Variants in PPIG observed in about 807,000 individuals in gnomAD.
The protein encoded by PPIG is peptidyl-prolyl cis-trans isomerase G.
PPIG carries 26 observed loss-of-function variants against 87.9 expected under a neutral mutation model. That is an observed-to-expected ratio of 0.30 (90% CI 0.22 to 0.41). PPIG has a LOEUF of 0.41. Ranked by LOEUF, PPIG falls within the 10% of genes least tolerant of loss-of-function variation. The pLI, the probability that PPIG is intolerant of heterozygous loss-of-function variation, is 1.00. For synonymous variants in PPIG, 308 were observed against 276.5 expected (o/e 1.11, Z -1.13); for missense variants, 722 against 879.4 (o/e 0.82, Z 2.26).
Position 169,637,147 on chromosome 2 carries a change from G to A in PPIG, c.1889G>A (p.Ser630Asn). ...DRRRRRRDSR[S>N]SEREESQSRN... The stretch of plus-strand genomic sequence containing the variant: ...AGGAGAAGGAGGAGAGACTCACGGA[G>A]CTCAGAGAGAGAAGAAAGTCAAAGC... Residue 630 changes from serine to asparagine, a missense_variant, in exon 14 of 14, where the codon AGC (serine) becomes AAC (asparagine). Ser to Asn is a conservative substitution (Grantham distance 46). Coordinates refer to ENST00000260970, the MANE Select transcript of PPIG (RefSeq NM_004792.3). The A allele has an allele frequency of 1.2e-6, 2 of 1,612,596 alleles. No homozygotes were observed. Among genetic ancestry groups the A allele is most frequent in the Non-Finnish European group, 1.7e-6 (2 of 1,179,490 alleles).
chr2:169,596,384 C>T (rs900347178), intron 1 of PPIG, among the ~76,000 whole-genome samples: 3 of 152,146 alleles, frequency 2.0e-5, no homozygotes, highest in Non-Finnish European at 2.9e-5. Context: ...GGATTACAGG[C>T]GTGAGCCTTC....
intron 1 of PPIG, among the ~76,000 whole-genome samples, chr2:169,592,303 C>CTT (rs777690234): frequency 0.36 from 33,978 of 93,542 alleles, 7,619 homozygotes; most frequent in East Asian, 0.47. Context: ...TGTCTTTTTT[C>CTT]TTTTTTTTTT....
chr2:169,597,060 A>G (rs1685039883), intron 1 of PPIG, among the ~76,000 whole-genome samples: 1 of 152,156 alleles, frequency 6.6e-6, no homozygotes. Flanking sequence ...CAAATCTTGG[A>G]TATTGTAAAT....
intron 9 of PPIG, among the ~76,000 whole-genome samples, chr2:169,620,320 T>A (rs1685711727): frequency 6.6e-6 from 1 of 152,146 alleles, no homozygotes; most frequent in Admixed American, 6.5e-5. Context: ...TCCAACACCG[T>A]TTATTGAAGA....
rs549533849 is a variant in PPIG, at chr2:169,615,202, C to T, written c.547+478C>T. On this transcript the variant is annotated intron_variant, in intron 9 of 13. Transcript: ENST00000260970. ...TAGCTGGGACTACAAGCGCCCACCA[C>T]CACACCCAGCTAACTTCTGTATTTT... 7.2e-5 allele frequency among the ~76,000 whole-genome samples: 11 copies of T among 152,210 alleles called. No homozygotes were observed. In the South Asian group the frequency reaches 2.3e-3, roughly 32 times the overall value.
At chr2:169,592,471 A>AT (rs1684895561) in intron 1 of PPIG, among the ~76,000 whole-genome samples, 1 of 151,370 alleles carries the variant, frequency 6.6e-6, no homozygotes, top group Non-Finnish European at 1.5e-5. Context: ...CGCCCAACTA[A>AT]TTTTTTGTAT....
Position 169,584,469 on chromosome 2 carries a change from G to A in PPIG, c.-91G>A, listed in dbSNP as rs1025822858. The A allele has an allele frequency of 8.5e-6, 4 of 470,740 alleles. No individual in the cohort carries two copies. The highest frequency in any genetic ancestry group is 8.0e-5 in the African/African-American group (4 of 50,058). 29.2% of individuals were successfully genotyped at this position (470,740 alleles called of 1,614,324 possible). A position where few individuals can be genotyped will look rare whatever the true frequency, so the allele number is the denominator to read the frequency against. On this transcript the variant is annotated 5_prime_UTR_variant, in exon 1 of 14. Coordinates refer to ENST00000260970, the MANE Select transcript of PPIG (RefSeq NM_004792.3). The stretch of plus-strand genomic sequence containing the variant: ...GCTTCAAAGGACCGGACCCAGAGAA[G>A]AGGAAAACTCTACCGGTGCAGGTAA...
At chr2:169,604,326 GGTTT>G in intron 4 of PPIG, 65 bp downstream of exon 4, 2 of 488,300 alleles carry the variant, frequency 4.1e-6, no homozygotes, top group Non-Finnish European at 6.3e-6. Context: ...TTGCTTGCTT[GGTTT>G]TTTTTTTTTT....
At chr2:169,588,865 A>G (rs967041939) in intron 1 of PPIG, among the ~76,000 whole-genome samples, 16 of 148,908 alleles carry the variant, frequency 1.1e-4, no homozygotes, top group Admixed American at 7.5e-4. Flanking sequence ...AGGCTGAGGC[A>G]GGAGAATCGC....
chr2:169,600,588 G>A (rs1685152446), intron 1 of PPIG, among the ~76,000 whole-genome samples: 1 of 151,902 alleles, frequency 6.6e-6, no homozygotes, highest in Non-Finnish European at 1.5e-5. Flanking sequence ...TTCAGATTTG[G>A]GGTTTTCAGA....
chr2:169,614,721 A>G lies in PPIG; in HGVS notation c.544A>G (p.Lys182Glu), dbSNP rs763117032. ...LSCGELIPKS[K>E]VKKEEKKRHK... ...TTGTGGAGAGCTGATTCCCAAATCT[A>G]AAGGTAAAAAGGAAGTACATATTTC... The change falls in exon 9 of 14, where the codon AAA becomes GAA. Residue 182 changes from lysine to glutamate, a missense_variant. This residue lies in a region of PPIG where 142 missense variants were observed against 152.8 expected (regional missense o/e 0.93). Transcript: ENST00000260970. 5 of 1,596,542 alleles carry G rather than the reference A, an allele frequency of 3.1e-6. No homozygotes were observed. Among genetic ancestry groups the G allele is most frequent in the Admixed American group, 3.6e-5 (2 of 54,864 alleles).
chr2:169,595,410 A>G (rs1165480250), intron 1 of PPIG, among the ~76,000 whole-genome samples: 1 of 152,222 alleles, frequency 6.6e-6, no homozygotes, highest in Non-Finnish European at 1.5e-5. Context: ...TTTTTGTTAC[A>G]AACAATCCAG....
At chr2:169,592,551 G>A (rs1045565494) in intron 1 of PPIG, among the ~76,000 whole-genome samples, 5 of 151,860 alleles carry the variant, frequency 3.3e-5, no homozygotes, top group African/African-American at 7.3e-5. Context: ...TGATCCGCAC[G>A]CCTCGGCCTC....
chr2:169,616,378 G>A (rs1047637249), intron 9 of PPIG, among the ~76,000 whole-genome samples: 5 of 152,168 alleles, frequency 3.3e-5, no homozygotes, highest in African/African-American at 1.2e-4. Flanking sequence ...TGGGATTGCT[G>A]TGCCAAATGG....
At chr2:169,586,520 A>T (rs1292373053) in intron 1 of PPIG, among the ~76,000 whole-genome samples, 1 of 152,162 alleles carries the variant, frequency 6.6e-6, no homozygotes. Context: ...AAGAGTGTTC[A>T]TTACATTTAT....
chr2:169,594,382 C>T (rs534255279), intron 1 of PPIG, among the ~76,000 whole-genome samples: 46 of 149,432 alleles, frequency 3.1e-4, no homozygotes, highest in East Asian at 1.6e-3. Flanking sequence ...TTCCTGATTA[C>T]GAAATTGAAG....
chr2:169,627,424 C>CAAA (rs1371238904), intron 9 of PPIG, among the ~76,000 whole-genome samples: 2 of 152,132 alleles, frequency 1.3e-5, no homozygotes, highest in Non-Finnish European at 2.9e-5. Flanking sequence ...TATCTTGCTT[C>CAAA]ACTAGAATGT....
intron 9 of PPIG, among the ~76,000 whole-genome samples, chr2:169,628,939 CAAAAAAAAAAAAAAAAA>C (rs71006010): frequency 7.3e-4 from 67 of 92,332 alleles, no homozygotes; most frequent in Non-Finnish European, 1.1e-4. Flanking sequence ...ACCCTGTCTC[CAAAAAAAAAAAAAAAAA>C]AAAAAAAAAA....
In PPIG at chr2:169,636,760, A is replaced by G. The variant is rs1558903977; in HGVS notation, c.1502A>G (p.Glu501Gly). ...GRDHENVKEKEKQSDSKGKDQ... is the reference protein window; with the variant it reads ...GRDHENVKEKGKQSDSKGKDQ... Reference sequence around the variant, plus strand: ...GATCATGAAAATGTTAAAGAAAAAGAAAAGCAGTCTGATTCTAAAGGAAAA... The same window carrying G: ...GATCATGAAAATGTTAAAGAAAAAGGAAAGCAGTCTGATTCTAAAGGAAAA... Residue 501 changes from glutamate (E) to glycine (G), a missense_variant, in exon 14 of 14, where the codon GAA becomes GGA. By Grantham distance (98) the Glu-to-Gly change is moderately conservative. Transcript: ENST00000260970. The G allele has an allele frequency of 1.2e-6, 2 of 1,612,374 alleles. No individual in the cohort carries two copies. The highest frequency in any genetic ancestry group is 1.7e-6 in the Non-Finnish European group (2 of 1,179,738).
Sources: gnomAD v4.1 joint callset for allele counts (sites outside exome capture counted in the v4.1 genomes callset) on GRCh38, gnomAD v4.1.1 for gene constraint, gnomAD v4.1.1 regional missense constraint, MANE v1.5 for transcripts, NCBI Gene and HGNC (gene_info 2026-07-23, HGNC 2026-07-21) for gene names.